CD200R1: variants seen among roughly 807,000 people sequenced by gnomAD.
The protein encoded by CD200R1 is cell surface glycoprotein CD200 receptor 1.
Under a neutral mutation model 38.1 loss-of-function variants are expected in CD200R1, and 30 were observed. That is an observed-to-expected ratio of 0.79 (90% CI 0.59 to 1.07). The LOEUF is 1.07. Ranked by LOEUF, CD200R1 falls within the 50% of genes least tolerant of loss-of-function variation. The probability of loss-of-function intolerance (pLI) is 0.00; values close to 1 mark genes in which losing one functional copy is unlikely to be tolerated. For synonymous variants in CD200R1, 128 were observed against 152.1 expected (o/e 0.84, Z 1.16); for missense variants, 372 against 415.4 (o/e 0.90, Z 0.91).
chr3:112,924,480 CT>C lies in CD200R1; in HGVS notation c.924+9del. ...TAAGTTTGCAATTAGTCTTTTTTATCTTATCTTACCTCCTCAACAACTGGAG... is the reference window on the plus strand; with the variant it reads ...TAAGTTTGCAATTAGTCTTTTTTATCTATCTTACCTCCTCAACAACTGGAG... On this transcript the variant is annotated intron_variant, in intron 7 of 7. Transcript: ENST00000308611. 1 of 1,323,354 alleles carries C rather than the reference CT, an allele frequency of 7.6e-7. No homozygotes were observed. Among genetic ancestry groups the C allele is most frequent in the South Asian group, 1.9e-5 (1 of 51,598 alleles). 82.0% of individuals were successfully genotyped at this position (1,323,354 alleles called of 1,614,324 possible). A position where few individuals can be genotyped will look rare whatever the true frequency, so the allele number is the denominator to read the frequency against.
intron 1 of CD200R1, among the ~76,000 whole-genome samples, chr3:112,961,034 C>T (rs1933002788): frequency 6.6e-6 from 1 of 151,842 alleles, no homozygotes; most frequent in Admixed American, 6.6e-5. Context: ...CAGATGTGAA[C>T]ACCAAATTAG....
intron 1 of CD200R1, among the ~76,000 whole-genome samples, chr3:112,958,594 CAT>C (rs1211273954): frequency 2.0e-5 from 3 of 152,082 alleles, no homozygotes; most frequent in African/African-American, 7.2e-5. Context: ...TATTAAATTA[CAT>C]GTTTTAAACT....
intron 1 of CD200R1, among the ~76,000 whole-genome samples, chr3:112,950,376 G>A (rs1344085924): frequency 2.7e-5 from 4 of 150,940 alleles, no homozygotes; most frequent in Non-Finnish European, 5.9e-5. Flanking sequence ...ACTCCAGCCT[G>A]GGTGACAGAG....
At chr3:112,943,053 A>G (rs904273978) in intron 2 of CD200R1, among the ~76,000 whole-genome samples, 4 of 151,786 alleles carry the variant, frequency 2.6e-5, no homozygotes, top group Non-Finnish European at 3.0e-5. Context: ...ATACCCCTCT[A>G]TTAGAAACAG....
intron 2 of CD200R1, among the ~76,000 whole-genome samples, chr3:112,936,611 A>G (rs1173692425): frequency 6.6e-6 from 1 of 152,146 alleles, no homozygotes; most frequent in Non-Finnish European, 1.5e-5. Flanking sequence ...TCTTTTGAGA[A>G]TTATCTATTC....
intron 1 of CD200R1, among the ~76,000 whole-genome samples, chr3:112,949,739 G>T (rs545229020): frequency 6.6e-6 from 1 of 152,302 alleles, no homozygotes; most frequent in South Asian, 2.1e-4. Context: ...CAAGAGCACT[G>T]AGAGACAAAC....
chr3:112,931,088 A>G lies in CD200R1; in HGVS notation c.202+18T>C, dbSNP rs1357326858. 1 of 1,583,718 alleles carries G rather than the reference A, an allele frequency of 6.3e-7. No individual in the cohort carries two copies. Among genetic ancestry groups the G allele is most frequent in the Non-Finnish European group, 8.7e-7 (1 of 1,152,266 alleles). On this transcript the variant is annotated intron_variant, in intron 3 of 7. Transcript: ENST00000308611. ...TTTCCATCCCTAGGTGCTGGCCACT[A>G]GTAAGGAAGCATATTACCTTCTGCG...
intron 7 of CD200R1, among the ~76,000 whole-genome samples, 156 bp downstream of exon 7, chr3:112,924,334 T>A (rs1940235096): frequency 6.6e-6 from 1 of 151,990 alleles, no homozygotes; most frequent in Non-Finnish European, 1.5e-5. Context: ...ATTTGATAGA[T>A]AATTAACAAA....
At chr3:112,940,738 T>C (rs1359291363) in intron 2 of CD200R1, among the ~76,000 whole-genome samples, 1 of 151,772 alleles carries the variant, frequency 6.6e-6, no homozygotes, top group Non-Finnish European at 1.5e-5. Context: ...AAGAATAGTA[T>C]GGAAGTTCCT....
At chr3:112,935,745 A>G (rs1940560309) in intron 2 of CD200R1, among the ~76,000 whole-genome samples, 1 of 152,238 alleles carries the variant, frequency 6.6e-6, no homozygotes, top group African/African-American at 2.4e-5. Context: ...AATGAAACTG[A>G]ACCTAAAAAG....
rs771295947 is a variant in CD200R1, at chr3:112,928,881, G to C, written c.704C>G (p.Ser235Cys). ...ATGGGAGACGTGGCAGGTCACGGTA[G>C]ACACATTGTGGACCTCCCAGTGGCA... ...STCHWEVHNV[S>C]TVTCHVSHLT... is the part of the protein sequence containing the mutation. The change falls in exon 5 of 8, where the codon TCT (serine) becomes TGT (cysteine). Residue 235 changes from serine to cysteine, a missense_variant. Coordinates refer to ENST00000308611, the MANE Select transcript of CD200R1 (RefSeq NM_138806.4). 6.2e-7 allele frequency: 1 copy of C among 1,613,936 alleles called. No individual in the cohort carries two copies. Among genetic ancestry groups the C allele is most frequent in the Non-Finnish European group, 8.5e-7 (1 of 1,179,978 alleles).
intron 5 of CD200R1, among the ~76,000 whole-genome samples, chr3:112,925,722 C>G (rs1337462126): frequency 1.3e-5 from 2 of 151,934 alleles, no homozygotes; most frequent in African/African-American, 4.8e-5. Context: ...TCTGTACTTT[C>G]CACTCAATTT....
chr3:112,929,787 CAAAG>C, intron 3 of CD200R1, among the ~76,000 whole-genome samples: 1 of 151,812 alleles, frequency 6.6e-6, no homozygotes, highest in African/African-American at 2.4e-5. Context: ...TATCTAGAAA[CAAAG>C]AGAATTGTAA....
At chr3:112,926,145 C>T (rs1308885063) in intron 5 of CD200R1, among the ~76,000 whole-genome samples, 1 of 152,150 alleles carries the variant, frequency 6.6e-6, no homozygotes, top group Non-Finnish European at 1.5e-5. Flanking sequence ...ACAGCAGGAA[C>T]TTTATTTATT....
At position 112,939,225 on chromosome 3, in the gene CD200R1, T is replaced by C. The variant is rs552820177; in HGVS notation, c.137-8054A>G. Among the ~76,000 whole-genome samples the C allele has an allele frequency of 5.9e-5, 9 of 152,070 alleles. No individual in the cohort carries two copies. In the South Asian group the frequency reaches 1.9e-3, roughly 31 times the overall value. ...TTAGAAGAAGAATTAGAAGAAAAAGTGCCTACTCTCACCCTTGTTATTCAA... is the reference window on the plus strand; with the variant it reads ...TTAGAAGAAGAATTAGAAGAAAAAGCGCCTACTCTCACCCTTGTTATTCAA... On this transcript the variant is annotated intron_variant, in intron 2 of 7. Coordinates refer to ENST00000308611, the MANE Select transcript of CD200R1 (RefSeq NM_138806.4).
intron 1 of CD200R1, among the ~76,000 whole-genome samples, chr3:112,961,453 T>TG (rs1933017336): frequency 6.6e-6 from 1 of 152,144 alleles, no homozygotes; most frequent in Non-Finnish European, 1.5e-5. Context: ...TTGTTGTTTT[T>TG]GTTTTTTTTA....
chr3:112,929,456 G>A lies in CD200R1; in HGVS notation c.254C>T (p.Pro85Leu). ...KMATNAVLCC[P>L]PIALRNLIII... ...GATCAAATTTCTTAATGCGATAGGA[G>A]GGCAACAAAGCACAGCATTTGTAGC... The change falls in exon 4 of 8, where the codon CCT becomes CTT. Residue 85 changes from proline to leucine, a missense_variant. Transcript: ENST00000308611. 2 of 1,613,756 alleles carry A rather than the reference G, an allele frequency of 1.2e-6. No homozygotes were observed. The highest frequency in any genetic ancestry group is 1.3e-5 in the African/African-American group (1 of 74,980).
chr3:112,964,328 T>C (rs1218483464), intron 1 of CD200R1, among the ~76,000 whole-genome samples: 4 of 152,112 alleles, frequency 2.6e-5, no homozygotes, highest in Non-Finnish European at 4.4e-5. Flanking sequence ...TCTGCCCCTG[T>C]AAAGGTCACA....
intron 2 of CD200R1, among the ~76,000 whole-genome samples, chr3:112,937,253 C>T (rs1356230959): frequency 6.6e-6 from 1 of 152,132 alleles, no homozygotes; most frequent in South Asian, 2.1e-4. Flanking sequence ...ATCATGAGAA[C>T]AGCATGAGAG....
Sources: allele counts gnomAD v4.1 joint callset (sites outside exome capture counted in the v4.1 genomes callset), GRCh38; gene constraint gnomAD v4.1.1; transcripts MANE v1.5; gene names NCBI Gene and HGNC (gene_info 2026-07-23, HGNC 2026-07-21).